Variants in MELTF observed in about 807,000 individuals in gnomAD.
MELTF encodes the protein antigen p97 (melanoma associated) identified by monoclonal antibodies 133.2 and 96.5.
A neutral mutation model predicts 83.7 loss-of-function variants in MELTF; 67 were observed. The ratio of observed to expected loss-of-function variants is 0.80; its 90% CI spans 0.66 to 0.98. The LOEUF (loss-of-function observed/expected upper bound fraction) is 0.98. MELTF is among the 50% of genes least tolerant of loss of function. The pLI is 0.00. For synonymous variants in MELTF, 462 were observed against 447.6 expected (o/e 1.03, Z -0.41); for missense variants, 1,002 against 1,035.6 (o/e 0.97, Z 0.44).
rs375784185 is a variant in MELTF at position 197,022,929 on chromosome 3, G to A, written c.644+28C>T. 1.3e-5 allele frequency: 20 copies of A among 1,578,696 alleles called. No homozygotes were observed. The African/African-American group carries it at 1.4e-4, about 11-fold the overall frequency. On this transcript the variant is annotated intron_variant, in intron 5 of 15. Coordinates refer to ENST00000296350, the MANE Select transcript of MELTF (RefSeq NM_005929.6). This position sits in a 1 kb window ranked among gnomAD's most constrained non-coding sequence, Gnocchi z 5.1. ...GTGGCCTCAGCTCCTCCCTGCCCTC[G>A]GCCCCTCCCTGCCCCCACTCCGCTC... is the stretch of plus-strand genomic sequence containing the variant.
chr3:197,026,613 G>A (rs1243249521), intron 3 of MELTF, 47 bp downstream of exon 3: 1 of 1,560,818 alleles, frequency 6.4e-7, no homozygotes, highest in East Asian at 2.2e-5. Flanking sequence ...CTGGAGAGCT[G>A]ACTTCCAGCG....
intron 9 of MELTF, among the ~76,000 whole-genome samples, chr3:197,014,120 C>T (rs1719275073): frequency 6.6e-6 from 1 of 152,158 alleles, no homozygotes; most frequent in South Asian, 2.1e-4. Context: ...TGTCCAACAA[C>T]AGAGGATGGA....
intron 1 of MELTF, 50 bp from the exon 2 acceptor site, chr3:197,027,960 G>A (rs762276876): frequency 6.7e-6 from 10 of 1,499,630 alleles, no homozygotes; most frequent in Admixed American, 3.8e-5. Flanking sequence ...GCCCAGCCCC[G>A]GCCCACCATG....
rs1718979943 is a variant in MELTF, at chr3:197,006,459, G to C, written c.1938+90C>G. 2 of 1,181,794 alleles carry C rather than the reference G, an allele frequency of 1.7e-6. No homozygotes were observed. Among genetic ancestry groups the C allele is most frequent in the Admixed American group, 3.1e-5 (1 of 32,604 alleles). 73.2% of individuals were successfully genotyped at this position (1,181,794 alleles called of 1,614,324 possible). On this transcript the variant is annotated intron_variant, in intron 14 of 15. Coordinates refer to ENST00000296350, the MANE Select transcript of MELTF (RefSeq NM_005929.6). The surrounding 1 kb of genome is among the most constrained non-coding windows in gnomAD (Gnocchi z 5.4). Reference sequence around the variant, plus strand: ...CCCCCGGGCTTCCTCAATTTCTCTAGAGGTCTGCTCCAGGTAGACTGAGGC... The same window carrying C: ...CCCCCGGGCTTCCTCAATTTCTCTACAGGTCTGCTCCAGGTAGACTGAGGC...
At chr3:197,020,141 TC>T (rs1390854515) in intron 6 of MELTF, among the ~76,000 whole-genome samples, 1 of 152,176 alleles carries the variant, frequency 6.6e-6, no homozygotes, top group Non-Finnish European at 1.5e-5. Context: ...TGAGGGACAT[TC>T]TATAAAATAA....
rs1368000677 is a variant in MELTF, at chr3:197,017,289, C to A, written c.714G>T (p.Gly238=). ...CCTGGCCCCAGGAGGGAAGCGTCTTCCCTGGGAAGCAGGAAGCCTGGGCTG... is the reference window on the plus strand; with the variant it reads ...CCTGGCCCCAGGAGGGAAGCGTCTTACCTGGGAAGCAGGAAGCCTGGGCTG... The part of the protein sequence containing the change: ...KHSTVLENTD[G]KTLPSWGQAL... Residue 238 remains glycine (G), a splice_region_variant and synonymous_variant, in exon 7 of 16, where the codon GGG becomes GGT. Coordinates refer to ENST00000296350, the MANE Select transcript of MELTF (RefSeq NM_005929.6). The A allele has an allele frequency of 6.5e-7, 1 of 1,538,134 alleles. No individual in the cohort carries two copies. Among genetic ancestry groups the A allele is most frequent in the African/African-American group, 1.4e-5 (1 of 73,552 alleles).
intron 14 of MELTF, among the ~76,000 whole-genome samples, chr3:197,005,073 T>G (rs1388668375): frequency 6.6e-6 from 1 of 152,194 alleles, no homozygotes; most frequent in African/African-American, 2.4e-5. Flanking sequence ...TCTGCAGTTC[T>G]GTGGTGCTGG....
chr3:197,025,836 G>T (rs1719832752), intron 3 of MELTF: 1 of 152,348 alleles, frequency 6.6e-6, no homozygotes, highest in African/African-American at 2.4e-5. Context: ...GGGGAAGACT[G>T]GACCCTCCTC....
rs71623319 is a variant in MELTF at position 197,014,383 on chromosome 3, G to GTTTTTT, written c.1233+976_1233+981dup. On this transcript the variant is annotated intron_variant, in intron 9 of 15. Transcript: ENST00000296350. ...GTAGGGGAAGGGAGGAATAGGGAGA[G>GTTTTTT]TTTTTTTTTTTTTTTTTTTTTTTGA... Among the ~76,000 whole-genome samples, 82 of 101,050 alleles carry GTTTTTT rather than the reference G, an allele frequency of 8.1e-4. 3 individuals are homozygous for GTTTTTT. The highest frequency in any genetic ancestry group is 2.2e-3 in the East Asian group (7 of 3,124). The allele number at this position is 101,050 out of a possible 152,430, so 66.3% of individuals were successfully genotyped here.
intron 7 of MELTF, 78 bp downstream of exon 7, chr3:197,017,025 G>A (rs1719403367): frequency 1.3e-6 from 2 of 1,492,438 alleles, no homozygotes; most frequent in Non-Finnish European, 1.8e-6. Context: ...GCCCCTCCTG[G>A]TCCCACCCTG....
chr3:197,017,122 C>T lies in MELTF; in HGVS notation c.881G>A (p.Arg294Gln), dbSNP rs61729249. The T allele has an allele frequency of 4.1e-3, 6,660 of 1,612,344 alleles. 185 individuals carry two copies. In the African/African-American group the frequency reaches 0.069, roughly 17 times the overall value. Residue 294 changes from arginine to glutamine, a missense_variant, in exon 7 of 16, where the codon CGG becomes CAG. By Grantham distance (43) the Arg-to-Gln change is conservative. Transcript: ENST00000296350. ...GCCCACCTGGCCTTCGTTGAGCAGC[C>T]GGAAGATGAGGCCCCCATCTGTGTC... ...RADTDGGLIF[R>Q]LLNEGQRLFS...
At chr3:197,016,695 G>A (rs1022019666) in intron 7 of MELTF, among the ~76,000 whole-genome samples, 4 of 152,266 alleles carry the variant, frequency 2.6e-5, no homozygotes, top group African/African-American at 7.2e-5. Context: ...AACTAACTGA[G>A]CCTGGGGCAC....
rs769056137 is a variant in MELTF, at chr3:197,026,716, T to A, written c.248A>T (p.Tyr83Phe). The A allele has an allele frequency of 3.1e-6, 5 of 1,613,448 alleles. No individual in the cohort carries two copies. The South Asian group carries it at 4.4e-5, about 14-fold the overall frequency. ...CAGGCCGTGCTCCTTTCCCGCCTCA[T>A]AGATGGCTCCTCCATCCAGAGTGAT... is the stretch of plus-strand genomic sequence containing the variant. Reference protein sequence around the residue: ...DAITLDGGAIYEAGKEHGLKP... With the variant: ...DAITLDGGAIFEAGKEHGLKP... The change falls in exon 3 of 16, where the codon TAT becomes TTT. Residue 83 changes from tyrosine (Y) to phenylalanine (F), a missense_variant. Tyr to Phe is a conservative substitution (Grantham distance 22, BLOSUM62 3). Transcript: ENST00000296350.
chr3:197,029,401 G>A lies in MELTF; in HGVS notation c.49+253C>T. ...AGGCCTCCCCACCACGCCTCAGCCCGCGCTTCTCCTTGGAGCGTCGGAAGC... is the reference window on the plus strand; with the variant it reads ...AGGCCTCCCCACCACGCCTCAGCCCACGCTTCTCCTTGGAGCGTCGGAAGC... On this transcript the variant is annotated intron_variant, in intron 1 of 15. Transcript: ENST00000296350. This position sits in a 1 kb window ranked among gnomAD's most constrained non-coding sequence, Gnocchi z 6.5. 1 of 378,036 alleles carries A rather than the reference G, an allele frequency of 2.6e-6. No individual in the cohort carries two copies. The highest frequency in any genetic ancestry group is 4.7e-6 in the Non-Finnish European group (1 of 213,564). The allele number at this position is 378,036 out of a possible 1,614,324, so 23.4% of individuals were successfully genotyped here.
Position 197,003,384 on chromosome 3 carries a change from C to CGGGAGCAGGCGGGCGGCGAGGGCG in MELTF, c.2181_2204dup (p.Ala728_Pro735dup). On this transcript the variant is annotated inframe_insertion, in exon 16 of 16. Coordinates refer to ENST00000296350, the MANE Select transcript of MELTF (RefSeq NM_005929.6). The surrounding 1 kb of genome is among the most constrained non-coding windows in gnomAD (Gnocchi z 6.2). ...GGGGCGGCCGGGCTCAGAGGGCGGG[C>CGGGAGCAGGCGGGCGGCGAGGGCG]GGGAGCAGGCGGGCGGCGAGGGCGG... The CGGGAGCAGGCGGGCGGCGAGGGCG allele has an allele frequency of 2.9e-6, 3 of 1,035,558 alleles. No individual in the cohort carries two copies. Among genetic ancestry groups the CGGGAGCAGGCGGGCGGCGAGGGCG allele is most frequent in the Non-Finnish European group, 3.5e-6 (3 of 865,586 alleles). The allele number at this position is 1,035,558 out of a possible 1,614,324, so 64.1% of individuals were successfully genotyped here.
In MELTF at chr3:197,015,452, CAT is replaced by C; in HGVS notation, c.1144_1145del (p.Met382GlyfsTer31). On this transcript the variant is annotated frameshift_variant, in exon 9 of 16. Transcript: ENST00000296350. LOFTEE classifies it high-confidence loss of function. The part of the protein sequence containing the change: ...STPEIQKCGD[M>X]AVAFRRQRLK... ...GCCGCTGCCGGCGGAAGGCCACGGC[CAT>C]GTCTCCACACTTCTGGATCTCGGGA... 1 of 1,609,272 alleles carries C rather than the reference CAT, an allele frequency of 6.2e-7. No homozygotes were observed. The highest frequency in any genetic ancestry group is 8.5e-7 in the Non-Finnish European group (1 of 1,178,182).
chr3:197,017,374 G>C (rs1347714957), intron 6 of MELTF, 84 bp from the exon 7 acceptor site: 4 of 1,275,474 alleles, frequency 3.1e-6, no homozygotes, highest in South Asian at 3.1e-5. Flanking sequence ...GGGAATCTGA[G>C]GGGTGGCTGG....
Position 197,027,806 on chromosome 3 carries a change from G to T in MELTF, c.154C>A (p.Leu52Ile), listed in dbSNP as rs764919421. 2 of 1,611,168 alleles carry T rather than the reference G, an allele frequency of 1.2e-6. No individual in the cohort carries two copies. Among genetic ancestry groups the T allele is most frequent in the East Asian group, 4.5e-5 (2 of 44,774 alleles). Residue 52 changes from leucine (L) to isoleucine (I), a missense_variant, in exon 2 of 16, where the codon CTC becomes ATC. Transcript: ENST00000296350. ...GCGGAGGTGCCCCGGACGCAGAGGA[G>T]GGAGGGCTGGATGCCCGCTTCCCGG... is the stretch of plus-strand genomic sequence containing the variant. ...AFREAGIQPS[L>I]LCVRGTSADH...
At chr3:197,018,993 A>G (rs900697906) in intron 6 of MELTF, 4 of 985,348 alleles carry the variant, frequency 4.1e-6, no homozygotes, top group Non-Finnish European at 4.8e-6. Context: ...GACAAGGAGG[A>G]AAAAAACCTC....
Sources: allele counts gnomAD v4.1 joint callset (sites outside exome capture counted in the v4.1 genomes callset), GRCh38; gene constraint gnomAD v4.1.1; non-coding constraint Gnocchi (gnomAD v3.1); transcripts MANE v1.5; gene names NCBI Gene and HGNC (gene_info 2026-07-23, HGNC 2026-07-21).